Variants in PDE12 observed in about 807,000 individuals in gnomAD.
The protein encoded by PDE12 is phosphodiesterase 12.
Under a neutral mutation model 45.4 loss-of-function variants are expected in PDE12, and 26 were observed. That is an observed-to-expected ratio of 0.57 (90% CI 0.42 to 0.79). The LOEUF is 0.79. Ranked by LOEUF, PDE12 falls within the 30% of genes least tolerant of loss-of-function variation. The pLI, the probability that PDE12 is intolerant of heterozygous loss-of-function variation, is 0.00. For missense variants in PDE12, 668 were observed against 790.0 expected (o/e 0.85, Z 1.85); for synonymous variants, 283 against 323.9 (o/e 0.87, Z 1.36).
At chr3:57,580,579 A>AT in the PDE12 span, among the ~76,000 whole-genome samples, 13 of 148,012 alleles carry the variant, frequency 8.8e-5, no homozygotes, top group Admixed American at 4.1e-4. Context: ...TTTTTTTTTA[A>AT]TTTTTTTTTG....
At chr3:57,574,906 T>C in the PDE12 span, among the ~76,000 whole-genome samples, 1 of 149,436 alleles carries the variant, frequency 6.7e-6, no homozygotes, top group Non-Finnish European at 1.5e-5. Flanking sequence ...TGGAGTGCAG[T>C]GGCGCGATCG....
the PDE12 span, among the ~76,000 whole-genome samples, chr3:57,578,526 T>C: frequency 6.6e-6 from 1 of 150,868 alleles, no homozygotes; most frequent in African/African-American, 2.4e-5. Flanking sequence ...CTCTGTTGCC[T>C]AGGAGCACAG....
chr3:57,640,132 G>A, the PDE12 span, among the ~76,000 whole-genome samples: 2 of 151,850 alleles, frequency 1.3e-5, no homozygotes, highest in East Asian at 3.9e-4. Flanking sequence ...AGCCAGGCGT[G>A]GTGGTGGGCG....
the PDE12 span, among the ~76,000 whole-genome samples, chr3:57,577,047 G>A: frequency 2.0e-5 from 3 of 150,438 alleles, no homozygotes; most frequent in South Asian, 6.3e-4. Flanking sequence ...TTACCCATGA[G>A]GCATTCTAAA....
At chr3:57,607,487 C>T in the PDE12 span, among the ~76,000 whole-genome samples, 2 of 152,016 alleles carry the variant, frequency 1.3e-5, no homozygotes, top group Non-Finnish European at 2.9e-5. Flanking sequence ...AGTAAAAAAC[C>T]TTGAAAAAAG....
the PDE12 span, among the ~76,000 whole-genome samples, chr3:57,614,536 T>G: frequency 7.0e-5 from 9 of 128,406 alleles, no homozygotes; most frequent in African/African-American, 1.5e-4. Flanking sequence ...TTTTTTTTTT[T>G]GTTTTTTGTT....
the PDE12 span, among the ~76,000 whole-genome samples, chr3:57,655,783 T>C: frequency 1.3e-5 from 2 of 152,206 alleles, no homozygotes; most frequent in East Asian, 3.8e-4. Flanking sequence ...CTTCTGATTC[T>C]GACCATTTCA....
Position 57,561,623 on chromosome 3 carries a change from A to C in PDE12, c.*1619A>C, listed in dbSNP as rs2069729590. The C allele has an allele frequency of 1.0e-6, 1 of 985,070 alleles. No individual in the cohort carries two copies. The highest frequency in any genetic ancestry group is 1.7e-5 in the African/African-American group (1 of 57,196). 61.0% of individuals were successfully genotyped at this position (985,070 alleles called of 1,614,324 possible). A position where few individuals can be genotyped will look rare whatever the true frequency, so the allele number is the denominator to read the frequency against. ...ATGTTCAGGATAACTATGTTATCTC[A>C]TTTCTGCATTTAATTAATAGCTCGA... On this transcript the variant is annotated 3_prime_UTR_variant, in exon 3 of 3. Transcript: ENST00000311180.
chr3:57,615,098 A>T, the PDE12 span, among the ~76,000 whole-genome samples: 1 of 151,822 alleles, frequency 6.6e-6, no homozygotes, highest in African/African-American at 2.4e-5. Flanking sequence ...ATTTTAGTAG[A>T]GACGGGGTTT....
the PDE12 span, among the ~76,000 whole-genome samples, chr3:57,644,818 G>GGGGGGGGGA: frequency 1.2e-5 from 1 of 82,520 alleles, no homozygotes; most frequent in Non-Finnish European, 2.3e-5. Flanking sequence ...GGGGAGGGGA[G>GGGGGGGGGA]GGGGAAAGAC....
At chr3:57,656,109 A>G in the PDE12 span, among the ~76,000 whole-genome samples, 3 of 152,216 alleles carry the variant, frequency 2.0e-5, no homozygotes, top group Non-Finnish European at 4.4e-5. Flanking sequence ...ATTTATATGC[A>G]GTAAAATTTA....
chr3:57,599,334 G>A, the PDE12 span, among the ~76,000 whole-genome samples: 8 of 152,184 alleles, frequency 5.3e-5, no homozygotes, highest in African/African-American at 1.9e-4. Context: ...AGGCAGGTTG[G>A]CCCTAAGCAG....
chr3:57,617,885 CAAAA>C, the PDE12 span, among the ~76,000 whole-genome samples: 4 of 146,956 alleles, frequency 2.7e-5, no homozygotes, highest in South Asian at 2.2e-4. Flanking sequence ...AAAAAAAAAA[CAAAA>C]AAACCATAGT....
chr3:57,597,348 G>A, the PDE12 span: 23 of 498,326 alleles, frequency 4.6e-5, no homozygotes, highest in Non-Finnish European at 4.0e-5. Context: ...GGCGACTGGC[G>A]CGGCAGCTCC....
At chr3:57,628,127 C>T in the PDE12 span, 2 of 1,532,332 alleles carry the variant, frequency 1.3e-6, no homozygotes, top group East Asian at 2.3e-5. Flanking sequence ...TCCGCTGCCA[C>T]TGAGAGATCT....
chr3:57,590,814 G>T, the PDE12 span, among the ~76,000 whole-genome samples: 2 of 152,092 alleles, frequency 1.3e-5, no homozygotes, highest in Non-Finnish European at 2.9e-5. Flanking sequence ...TAGTAGCTGG[G>T]TCTACAGGGG....
the PDE12 span, among the ~76,000 whole-genome samples, chr3:57,604,616 T>C: frequency 9.7e-5 from 1 of 10,286 alleles, no homozygotes; most frequent in Non-Finnish European, 2.5e-4. Flanking sequence ...TTTTTTTTTT[T>C]TGGGGGGGGT....
chr3:57,649,530 T>TAA, the PDE12 span, among the ~76,000 whole-genome samples: 493 of 139,086 alleles, frequency 3.5e-3, 1 homozygote, highest in Non-Finnish European at 4.3e-3. Context: ...AAGGAAGTCA[T>TAA]AAAAAAAAAA....
At chr3:57,647,883 A>G in the PDE12 span, among the ~76,000 whole-genome samples, 1 of 151,988 alleles carries the variant, frequency 6.6e-6, no homozygotes, top group Non-Finnish European at 1.5e-5. Flanking sequence ...TCCAACAAGA[A>G]GAATCAGAGA....
Sources: gnomAD v4.1 joint callset for allele counts (sites outside exome capture counted in the v4.1 genomes callset) on GRCh38, gnomAD v4.1.1 for gene constraint, MANE v1.5 for transcripts, NCBI Gene and HGNC (gene_info 2026-07-23, HGNC 2026-07-21) for gene names.